The following RALYL variants were observed in gnomAD, a reference collection of about 807,000 sequenced individuals.
The protein encoded by RALYL is RALY RNA binding protein like, also known as RNA-binding Raly-like protein.
RALYL carries 29 observed loss-of-function variants against 35.1 expected under a neutral mutation model. The ratio of observed to expected loss-of-function variants is 0.83; its 90% CI spans 0.61 to 1.13. RALYL has a LOEUF of 1.13. Among genes scored for constraint, RALYL ranks in the 50% most tolerant of loss-of-function variants. The probability of loss-of-function intolerance (pLI) is 0.00; values close to 1 mark genes in which losing one functional copy is unlikely to be tolerated. For synonymous variants in RALYL, 120 were observed against 127.6 expected, an observed-to-expected ratio of 0.94 and a Z score of 0.40; for missense variants, 359 against 360.4, an observed-to-expected ratio of 1.00 and a Z score of 0.03.
intron 2 of RALYL, among the ~76,000 whole-genome samples, chr8:84,646,647 G>C (rs1827562816): frequency 6.6e-6 from 1 of 152,064 alleles, no homozygotes; most frequent in Non-Finnish European, 1.5e-5. Flanking sequence ...GCCCAAATCT[G>C]TGTAATTTCT....
chr8:84,860,962 T>C (rs1586820211), intron 5 of RALYL, among the ~76,000 whole-genome samples: 1 of 152,330 alleles, frequency 6.6e-6, no homozygotes, highest in African/African-American at 2.4e-5. Flanking sequence ...CTATCTTAAC[T>C]TTTATTATAT....
At chr8:84,648,118 G>GCACACACA (rs144476780) in intron 2 of RALYL, among the ~76,000 whole-genome samples, 1 of 150,680 alleles carries the variant, frequency 6.6e-6, no homozygotes, top group Non-Finnish European at 1.5e-5. Flanking sequence ...GCACATGCGT[G>GCACACACA]CACACACACA....
intron 2 of RALYL, among the ~76,000 whole-genome samples, chr8:84,623,054 T>C (rs1821913286): frequency 6.6e-6 from 1 of 152,188 alleles, no homozygotes; most frequent in African/African-American, 2.4e-5. Flanking sequence ...GTTCTGATTA[T>C]AATAGACACA....
At chr8:84,212,656 A>G in intron 1 of RALYL, among the ~76,000 whole-genome samples, 1 of 152,184 alleles carries the variant, frequency 6.6e-6, no homozygotes, top group East Asian at 1.9e-4. Context: ...AGTATAAGTG[A>G]GGTAAAGCAA....
chr8:84,281,116 C>G (rs1474089137), intron 1 of RALYL, among the ~76,000 whole-genome samples: 1 of 152,092 alleles, frequency 6.6e-6, no homozygotes, highest in Non-Finnish European at 1.5e-5. Flanking sequence ...AGAGGTTTTT[C>G]TTTGGCTTGA....
intron 1 of RALYL, among the ~76,000 whole-genome samples, chr8:84,213,332 A>C (rs1257378879): frequency 6.6e-6 from 1 of 152,156 alleles, no homozygotes; most frequent in Non-Finnish European, 1.5e-5. Flanking sequence ...CAGAGGTTGC[A>C]GTGAGCCGAG....
At chr8:84,348,566 C>T (rs1014576417) in intron 1 of RALYL, among the ~76,000 whole-genome samples, 1 of 152,066 alleles carries the variant, frequency 6.6e-6, no homozygotes, top group African/African-American at 2.4e-5. Context: ...CTGATCAAAT[C>T]ATTGCACAAT....
At chr8:84,813,434 C>G (rs1334559721) in intron 4 of RALYL, among the ~76,000 whole-genome samples, 1 of 152,192 alleles carries the variant, frequency 6.6e-6, no homozygotes, top group East Asian at 1.9e-4. Context: ...TCCTGCCTCC[C>G]ATTCCTCTGT....
chr8:84,490,106 T>A (rs1389686160), intron 1 of RALYL, among the ~76,000 whole-genome samples: 1 of 150,914 alleles, frequency 6.6e-6, no homozygotes, highest in South Asian at 2.1e-4. Context: ...TGTGTGTGTG[T>A]GTGTGTGTGT....
chr8:84,696,394 C>T (rs1262657839), intron 2 of RALYL, among the ~76,000 whole-genome samples: 2 of 151,824 alleles, frequency 1.3e-5, no homozygotes, highest in East Asian at 3.9e-4. Context: ...TAGTCACAAG[C>T]TGAAATCTTG....
chr8:84,708,582 T>C (rs772588074), intron 2 of RALYL, among the ~76,000 whole-genome samples: 1 of 152,132 alleles, frequency 6.6e-6, no homozygotes. Flanking sequence ...TTCTAATACA[T>C]GCAAACCTGT....
intron 2 of RALYL, among the ~76,000 whole-genome samples, chr8:84,730,561 A>G (rs1183589784): frequency 1.4e-4 from 22 of 152,126 alleles, no homozygotes; most frequent in Admixed American, 1.4e-3. Context: ...AAGGAAATAA[A>G]GGGTATTCAA....
intron 1 of RALYL, among the ~76,000 whole-genome samples, chr8:84,275,382 C>A (rs999633618): frequency 6.6e-6 from 1 of 151,890 alleles, no homozygotes; most frequent in East Asian, 1.9e-4. Context: ...TTACAAGCAA[C>A]TTACATTTGT....
At chr8:84,432,309 T>C (rs1254727009) in intron 1 of RALYL, among the ~76,000 whole-genome samples, 3 of 152,082 alleles carry the variant, frequency 2.0e-5, no homozygotes, top group South Asian at 2.1e-4. Flanking sequence ...ATTTCACTTA[T>C]ATGAGGAGTC....
At chr8:84,492,535 CTTT>C (rs1026824477) in intron 1 of RALYL, among the ~76,000 whole-genome samples, 113 of 152,102 alleles carry the variant, frequency 7.4e-4, no homozygotes, top group African/African-American at 2.7e-3. Flanking sequence ...TCTCCTGCTG[CTTT>C]TTTATATGTG....
At chr8:84,632,655 A>G (rs1425594003) in intron 2 of RALYL, among the ~76,000 whole-genome samples, 1 of 151,556 alleles carries the variant, frequency 6.6e-6, no homozygotes, top group Non-Finnish European at 1.5e-5. Context: ...CATTTAGTAT[A>G]TTCCAGTACA....
In RALYL at chr8:84,193,112, A is replaced by C. The variant is rs1814393252; in HGVS notation, c.-24+8688A>C. Among the ~76,000 whole-genome samples, 4 of 152,254 alleles carry C rather than the reference A, an allele frequency of 2.6e-5. No individual in the cohort carries two copies. The South Asian group carries it at 6.2e-4, about 24-fold the overall frequency. Reference sequence around the variant, plus strand: ...TGAGGCTAAATAGAAGCAGAAGTCCAATTGCCCATGTTTAAGGTCATCTGG... The same window carrying C: ...TGAGGCTAAATAGAAGCAGAAGTCCCATTGCCCATGTTTAAGGTCATCTGG... On this transcript the variant is annotated intron_variant, in intron 1 of 8. Coordinates refer to ENST00000521268, the MANE Select transcript of RALYL (RefSeq NM_173848.7).
chr8:84,331,514 C>G (rs1045437324), intron 1 of RALYL, among the ~76,000 whole-genome samples: 8 of 152,060 alleles, frequency 5.3e-5, no homozygotes, highest in African/African-American at 1.9e-4. Context: ...TTTCTTGAAG[C>G]TGTCTTCAGA....
intron 2 of RALYL, among the ~76,000 whole-genome samples, chr8:84,667,891 G>A (rs779250442): frequency 2.0e-5 from 3 of 152,112 alleles, no homozygotes; most frequent in Non-Finnish European, 4.4e-5. Flanking sequence ...AACCTAGGGA[G>A]GATGGCAGTG....
Sources: allele counts gnomAD v4.1 joint callset (sites outside exome capture counted in the v4.1 genomes callset), GRCh38; gene constraint gnomAD v4.1.1; transcripts MANE v1.5; gene names NCBI Gene and HGNC (gene_info 2026-07-23, HGNC 2026-07-21).